The following TP63 variants were observed in gnomAD, a reference collection of about 807,000 sequenced individuals.
TP63 encodes the protein tumor protein 63.
In TP63, 17 loss-of-function variants were observed where a neutral mutation model predicts 82.8. The ratio of observed to expected loss-of-function variants is 0.21; its 90% CI spans 0.14 to 0.31. The LOEUF (loss-of-function observed/expected upper bound fraction) is 0.31. Among genes scored for constraint, TP63 ranks in the 10% least tolerant of loss-of-function variants. The probability of loss-of-function intolerance (pLI) is 1.00; values close to 1 mark genes in which losing one functional copy is unlikely to be tolerated. For synonymous variants in TP63, 330 were observed against 321.7 expected, an observed-to-expected ratio of 1.03 and a Z score of -0.28; for missense variants, 648 against 895.3, an observed-to-expected ratio of 0.72 and a Z score of 3.52.
intron 4 of TP63, among the ~76,000 whole-genome samples, chr3:189,840,314 G>T (rs1486472134): frequency 2.9e-5 from 3 of 105,072 alleles, no homozygotes; most frequent in African/African-American, 1.1e-4. Flanking sequence ...ATGTACAGTT[G>T]TTTTAGGAGT....
intron 1 of TP63, among the ~76,000 whole-genome samples, chr3:189,674,968 T>G (rs1326513357): frequency 1.3e-5 from 2 of 152,140 alleles, no homozygotes; most frequent in Non-Finnish European, 2.9e-5. Context: ...GTCAAGTGTC[T>G]TAGTCTTTTC....
the TP63 span, among the ~76,000 whole-genome samples, chr3:189,617,438 G>T: frequency 3.3e-5 from 5 of 152,154 alleles, no homozygotes; most frequent in African/African-American, 1.2e-4. Context: ...ATGGCTACCT[G>T]TCCTGTACCT....
intron 1 of TP63, among the ~76,000 whole-genome samples, chr3:189,729,124 A>G (rs1219092650): frequency 6.6e-6 from 1 of 152,214 alleles, no homozygotes; most frequent in Non-Finnish European, 1.5e-5. Flanking sequence ...CTGACTAATG[A>G]AAAAGGCAAG....
At chr3:189,635,581 G>A (rs1428088724) in intron 1 of TP63, among the ~76,000 whole-genome samples, 1 of 152,036 alleles carries the variant, frequency 6.6e-6, no homozygotes. Flanking sequence ...CTCCCTGTTG[G>A]TTTTTGGCTA....
At chr3:189,678,835 T>A (rs1349922107) in intron 1 of TP63, among the ~76,000 whole-genome samples, 1 of 152,070 alleles carries the variant, frequency 6.6e-6, no homozygotes, top group African/African-American at 2.4e-5. Context: ...CTTGGTTAAA[T>A]GTATTCCTCA....
chr3:189,889,797 G>A lies in TP63; in HGVS notation c.1652+313G>A, dbSNP rs1720833701. On this transcript the variant is annotated intron_variant, in intron 12 of 13. Transcript: ENST00000264731. ...ATTGTCAATTGCGGCCCTCAAGTTG[G>A]TGCTCAGGGCTGGGTTTCCAAAAGG... Among the ~76,000 whole-genome samples the A allele has an allele frequency of 2.0e-5, 3 of 152,228 alleles. No individual in the cohort carries two copies. The South Asian group carries it at 6.2e-4, about 32-fold the overall frequency.
intron 3 of TP63, among the ~76,000 whole-genome samples, chr3:189,741,367 GA>G (rs1720974543): frequency 6.6e-6 from 1 of 152,176 alleles, no homozygotes; most frequent in African/African-American, 2.4e-5. Context: ...ACTTACCCAG[GA>G]TGTTAATAGC....
At chr3:189,630,858 G>T (rs1729427019), upstream of TP63, among the ~76,000 whole-genome samples, 1 of 151,678 alleles carries the variant, frequency 6.6e-6, no homozygotes, top group African/African-American at 2.4e-5. Flanking sequence ...CCCTGTCTTT[G>T]CTATTTGAGA....
chr3:189,691,525 G>GC (rs1473206039), intron 1 of TP63, among the ~76,000 whole-genome samples: 2 of 152,030 alleles, frequency 1.3e-5, no homozygotes, highest in African/African-American at 4.8e-5. Context: ...TCCATTAGAT[G>GC]CCAATATGAC....
At chr3:189,789,739 G>C in intron 3 of TP63, 1 of 1,544,654 alleles carries the variant, frequency 6.5e-7, no homozygotes, top group South Asian at 1.3e-5. Context: ...CGGGGTGGGG[G>C]GGTTGGCAAA....
chr3:189,885,876 C>A (rs1019241336), intron 10 of TP63, among the ~76,000 whole-genome samples: 4 of 152,162 alleles, frequency 2.6e-5, no homozygotes, highest in Non-Finnish European at 5.9e-5. Flanking sequence ...TGCATGACAG[C>A]AAGATGAGCT....
At chr3:189,597,914 G>A in the TP63 span, among the ~76,000 whole-genome samples, 3 of 140,774 alleles carry the variant, frequency 2.1e-5, no homozygotes, top group East Asian at 4.0e-4. Flanking sequence ...AGGCAATAGA[G>A]TGAGACCCTG....
Position 189,642,972 on chromosome 3 carries a change from C to CTTAA in TP63, c.62+11395_62+11396insTTAA, listed in dbSNP as rs1194700094. Among the ~76,000 whole-genome samples, 3 of 119,540 alleles carry CTTAA rather than the reference C, an allele frequency of 2.5e-5. No individual in the cohort carries two copies. The Admixed American group carries it at 2.9e-4, about 11-fold the overall frequency. 78.4% of individuals were successfully genotyped at this position (119,540 alleles called of 152,430 possible). ...CTCACACCCTTAACTTAATTCCAGA[C>CTTAA]AGCCAAATTTATTTATTTATTTATT... On this transcript the variant is annotated intron_variant, in intron 1 of 13. Coordinates refer to ENST00000264731, the MANE Select transcript of TP63 (RefSeq NM_003722.5).
intron 10 of TP63, chr3:189,873,349 T>C (rs1460354509): frequency 2.9e-6 from 1 of 343,130 alleles, no homozygotes; most frequent in Non-Finnish European, 5.6e-6. Context: ...CATGAAATCT[T>C]TTCTCATCCC....
chr3:189,777,106 C>T (rs1723860781), intron 3 of TP63, among the ~76,000 whole-genome samples: 1 of 152,172 alleles, frequency 6.6e-6, no homozygotes, highest in Non-Finnish European at 1.5e-5. Context: ...TTCAAGTCCA[C>T]CACAGTCTTA....
At chr3:189,666,330 A>G (rs1323749668) in intron 1 of TP63, among the ~76,000 whole-genome samples, 1 of 152,106 alleles carries the variant, frequency 6.6e-6, no homozygotes, top group Non-Finnish European at 1.5e-5. Context: ...GACATATTTG[A>G]CATTCTACTA....
chr3:189,633,255 G>C (rs1729572689), intron 1 of TP63, among the ~76,000 whole-genome samples: 1 of 151,830 alleles, frequency 6.6e-6, no homozygotes, highest in African/African-American at 2.4e-5. Flanking sequence ...AAGTTCAGGG[G>C]TACAAGTGCA....
chr3:189,761,905 C>T (rs1444083666), intron 3 of TP63, among the ~76,000 whole-genome samples: 2 of 152,124 alleles, frequency 1.3e-5, no homozygotes, highest in South Asian at 2.1e-4. Context: ...CAGAGAAACC[C>T]CCGTTTTTAA....
chr3:189,681,397 T>G (rs1181487516), intron 1 of TP63, among the ~76,000 whole-genome samples: 3 of 152,220 alleles, frequency 2.0e-5, no homozygotes, highest in African/African-American at 7.2e-5. Flanking sequence ...AAAAATAACT[T>G]GAAGCCAAGT....
Sources: gnomAD v4.1 joint callset for allele counts (sites outside exome capture counted in the v4.1 genomes callset) on GRCh38, gnomAD v4.1.1 for gene constraint, MANE v1.5 for transcripts, NCBI Gene and HGNC (gene_info 2026-07-23, HGNC 2026-07-21) for gene names.